The following MRTFA variants were observed in gnomAD, a reference collection of about 807,000 sequenced individuals.
The protein encoded by MRTFA is myocardin-related transcription factor A.
Under a neutral mutation model 83.5 loss-of-function variants are expected in MRTFA, and 20 were observed. The observed-to-expected ratio is 0.24, with a 90% confidence interval of 0.17 to 0.35. The LOEUF (loss-of-function observed/expected upper bound fraction) is 0.35, where lower values mean the gene tolerates loss of function less well. Among genes scored for constraint, MRTFA ranks in the 10% least tolerant of loss-of-function variants. The pLI is 1.00. For synonymous variants in MRTFA, 659 were observed against 541.2 expected (o/e 1.22, Z -3.02); for missense variants, 1,200 against 1,224.7 (o/e 0.98, Z 0.30).
chr22:40,613,848 T>C (rs1299904252), intron 1 of MRTFA, among the ~76,000 whole-genome samples: 1 of 152,028 alleles, frequency 6.6e-6, no homozygotes, highest in Non-Finnish European at 1.5e-5. Context: ...AGGCAAAGGT[T>C]GCAGTGAGCC....
At chr22:40,500,348 AT>A (rs67459262) in intron 3 of MRTFA, among the ~76,000 whole-genome samples, 11,350 of 139,012 alleles carry the variant, frequency 0.082, 688 homozygotes, top group East Asian at 0.24. Context: ...TATTTTTTTT[AT>A]TTTTTTTTTA....
intron 3 of MRTFA, chr22:40,519,351 G>A (rs2054820271): frequency 8.7e-7 from 1 of 1,151,476 alleles, no homozygotes. Context: ...CTACCCTCTA[G>A]AACTCTTCTC....
chr22:40,517,944 C>T (rs2054788885), intron 3 of MRTFA, among the ~76,000 whole-genome samples: 1 of 152,108 alleles, frequency 6.6e-6, no homozygotes, highest in African/African-American at 2.4e-5. Flanking sequence ...ATCATGCCTA[C>T]ATGATGAAGA....
At position 40,552,253 on chromosome 22, in the gene MRTFA, C is replaced by A; in HGVS notation, c.94G>T (p.Val32Leu). The A allele has an allele frequency of 7.5e-6, 3 of 399,052 alleles. No individual in the cohort carries two copies. 24.7% of individuals were successfully genotyped at this position (399,052 alleles called of 1,614,324 possible). ...GGTGCCGCAGATAAGGACACGAGCA[C>A]TGGTTCATCATCATTTTCGCCGGCC... The change falls in exon 3 of 15, where the codon GTG becomes TTG. Residue 32 changes from valine (V) to leucine (L), a missense_variant. Val to Leu is a conservative substitution (Grantham distance 32). Around this residue, in one of 2 missense-constraint regions of MRTFA, gnomAD observed 93 missense variants for 182.9 expected, o/e 0.51. Transcript: ENST00000355630.
At chr22:40,496,184 C>T (rs1014432533) in intron 3 of MRTFA, among the ~76,000 whole-genome samples, 2 of 152,152 alleles carry the variant, frequency 1.3e-5, no homozygotes, top group Non-Finnish European at 2.9e-5. Context: ...AGATATTTAA[C>T]ATCTCTATGC....
At position 40,418,453 on chromosome 22, in the gene MRTFA, G is replaced by A; in HGVS notation, c.2285C>T (p.Ser762Phe). Reference sequence around the variant, plus strand: ...GGTGAGGACAAGGTGGGTCCCTGTGGAGTCGGTGATGAGGGTGGGAGGTGC... The same window carrying A: ...GGTGAGGACAAGGTGGGTCCCTGTGAAGTCGGTGATGAGGGTGGGAGGTGC... Residue 762 changes from serine to phenylalanine, a missense_variant, in exon 12 of 15, where the codon TCC becomes TTC. Physicochemically the swap from Ser to Phe is radical, Grantham distance 155 (BLOSUM62 -2). Transcript: ENST00000355630. The A allele has an allele frequency of 6.2e-7, 1 of 1,614,052 alleles. No individual in the cohort carries two copies. Among genetic ancestry groups the A allele is most frequent in the Non-Finnish European group, 8.5e-7 (1 of 1,179,952 alleles).
intron 3 of MRTFA, among the ~76,000 whole-genome samples, chr22:40,520,968 A>T (rs960459284): frequency 2.0e-5 from 3 of 152,194 alleles, no homozygotes; most frequent in Non-Finnish European, 4.4e-5. Context: ...CTTTTTGAAA[A>T]GCTGCCAAAT....
chr22:40,506,228 G>A (rs1276069709), intron 3 of MRTFA, among the ~76,000 whole-genome samples: 1 of 152,126 alleles, frequency 6.6e-6, no homozygotes, highest in African/African-American at 2.4e-5. Flanking sequence ...GGGCGACAGA[G>A]CGAGACTCTT....
At chr22:40,487,678 A>T (rs2054195531) in intron 3 of MRTFA, among the ~76,000 whole-genome samples, 1 of 152,238 alleles carries the variant, frequency 6.6e-6, no homozygotes, top group South Asian at 2.1e-4. Flanking sequence ...TCTAATCAAG[A>T]TATTTATAGA....
chr22:40,477,086 T>C (rs889203324), intron 3 of MRTFA, among the ~76,000 whole-genome samples: 3 of 149,960 alleles, frequency 2.0e-5, no homozygotes, highest in African/African-American at 7.4e-5. Flanking sequence ...TCCCAGCACT[T>C]TGGGAGGCCA....
intron 7 of MRTFA, among the ~76,000 whole-genome samples, chr22:40,428,905 T>C (rs1299194744): frequency 1.3e-5 from 2 of 152,076 alleles, no homozygotes; most frequent in African/African-American, 4.8e-5. Context: ...CGTCCCACCC[T>C]CTCCCACACG....
At chr22:40,528,737 C>T (rs1171213562) in intron 3 of MRTFA, among the ~76,000 whole-genome samples, 1 of 116,596 alleles carries the variant, frequency 8.6e-6, no homozygotes, top group African/African-American at 3.2e-5. Context: ...AACTCTGCTT[C>T]AAAAAAAAAA....
chr22:40,588,381 T>G (rs928484246), intron 2 of MRTFA, among the ~76,000 whole-genome samples: 6 of 152,210 alleles, frequency 3.9e-5, no homozygotes, highest in African/African-American at 1.4e-4. Context: ...ACCAAAGTAT[T>G]TAGCTTAATT....
At chr22:40,519,716 C>T in intron 3 of MRTFA, 1 of 744,168 alleles carries the variant, frequency 1.3e-6, no homozygotes, top group Admixed American at 3.6e-5. Context: ...CTGAAAAGCA[C>T]AATAATGGAG....
chr22:40,450,888 GC>G (rs988130775), intron 4 of MRTFA, among the ~76,000 whole-genome samples: 1 of 152,204 alleles, frequency 6.6e-6, no homozygotes, highest in African/African-American at 2.4e-5. Context: ...AGGGTTTGTA[GC>G]CAGAAAACCC....
chr22:40,478,943 CT>C (rs1359462149), intron 3 of MRTFA, among the ~76,000 whole-genome samples: 1 of 152,116 alleles, frequency 6.6e-6, no homozygotes, highest in Non-Finnish European at 1.5e-5. Context: ...CCAACACCCC[CT>C]AACAGCAGTT....
At chr22:40,471,563 C>T (rs759568094) in intron 3 of MRTFA, among the ~76,000 whole-genome samples, 5 of 152,194 alleles carry the variant, frequency 3.3e-5, no homozygotes, top group African/African-American at 4.8e-5. Flanking sequence ...CAGAAAGCTT[C>T]GCTGATATAT....
chr22:40,466,273 C>G (rs2053811208), intron 3 of MRTFA, among the ~76,000 whole-genome samples: 1 of 152,166 alleles, frequency 6.6e-6, no homozygotes, highest in Non-Finnish European at 1.5e-5. Context: ...TACTATGTGT[C>G]AGACCCTGTG....
At position 40,501,963 on chromosome 22, in the gene MRTFA, C is replaced by T. The variant is rs1262369112; in HGVS notation, c.242-38677G>A. 9.8e-5 allele frequency among the ~76,000 whole-genome samples: 12 copies of T among 122,332 alleles called. No individual in the cohort carries two copies. In the East Asian group the frequency reaches 2.3e-3, roughly 23 times the overall value. 80.3% of individuals were successfully genotyped at this position (122,332 alleles called of 152,430 possible). On this transcript the variant is annotated intron_variant, in intron 3 of 14. Coordinates refer to ENST00000355630, the MANE Select transcript of MRTFA (RefSeq NM_020831.6). ...GGCGCCCCTCACCTCCCAGACGGGG[C>T]GGCTGGCCGGGCGGGGGGCTGACCC... is the stretch of plus-strand genomic sequence containing the variant.
Sources: allele counts gnomAD v4.1 joint callset (sites outside exome capture counted in the v4.1 genomes callset), GRCh38; gene constraint gnomAD v4.1.1; regional missense constraint gnomAD v4.1.1; transcripts MANE v1.5; gene names NCBI Gene and HGNC (gene_info 2026-07-23, HGNC 2026-07-21).